SUPV3L1: variants seen among roughly 807,000 people sequenced by gnomAD.
SUPV3L1 encodes the protein ATP-dependent RNA helicase SUPV3L1, mitochondrial.
SUPV3L1 carries 35 observed loss-of-function variants against 70.0 expected under a neutral mutation model. That is an observed-to-expected ratio of 0.50 (90% CI 0.38 to 0.66). SUPV3L1 has a LOEUF of 0.66. Ranked by LOEUF, SUPV3L1 falls within the 30% of genes least tolerant of loss-of-function variation. SUPV3L1 has a pLI of 0.00. For synonymous variants in SUPV3L1, 364 were observed against 341.9 expected, an observed-to-expected ratio of 1.06 and a Z score of -0.71; for missense variants, 777 against 961.5, an observed-to-expected ratio of 0.81 and a Z score of 2.54.
chr10:69,185,903 G>C, intron 1 of SUPV3L1, 84 bp from the exon 2 acceptor site: 3 of 976,438 alleles, frequency 3.1e-6, no homozygotes, highest in Non-Finnish European at 3.3e-6. Context: ...GCTGCCTTTA[G>C]TGTTATTGCT....
At chr10:69,186,915 C>G (rs1001817778) in intron 3 of SUPV3L1, among the ~76,000 whole-genome samples, 1 of 151,976 alleles carries the variant, frequency 6.6e-6, no homozygotes, top group Non-Finnish European at 1.5e-5. Flanking sequence ...GTCAAAATAT[C>G]ATAGTTTCAT....
chr10:69,199,998 T>A (rs1268925170), intron 10 of SUPV3L1, among the ~76,000 whole-genome samples: 1 of 152,064 alleles, frequency 6.6e-6, no homozygotes, highest in Non-Finnish European at 1.5e-5. Context: ...CACACACCAC[T>A]GAACCTAGCT....
intron 1 of SUPV3L1, among the ~76,000 whole-genome samples, chr10:69,181,999 CTT>C (rs1261271922): frequency 3.6e-5 from 5 of 137,388 alleles, no homozygotes; most frequent in Non-Finnish European, 1.6e-5. Context: ...TTTTTCTTTA[CTT>C]TTTTTTTTTT....
intron 13 of SUPV3L1, among the ~76,000 whole-genome samples, chr10:69,205,539 G>C (rs1362016378): frequency 6.6e-6 from 1 of 151,760 alleles, no homozygotes; most frequent in Non-Finnish European, 1.5e-5. Context: ...GATGCGTGGT[G>C]TGTTTTCTTT....
Position 69,200,228 on chromosome 10 carries a change from T to C in SUPV3L1, c.1299-52T>C. ...AGTGAGCATTATGCAATGACCCAAG[T>C]ATTGGAGGGTTTTTCATACAGTCTG... On this transcript the variant is annotated intron_variant, in intron 10 of 14. Coordinates refer to ENST00000359655, the MANE Select transcript of SUPV3L1 (RefSeq NM_003171.5). 8 of 1,471,448 alleles carry C rather than the reference T, an allele frequency of 5.4e-6. No individual in the cohort carries two copies. In the South Asian group the frequency reaches 9.4e-5, roughly 17 times the overall value. The allele number at this position is 1,471,448 out of a possible 1,614,324, so 91.1% of individuals were successfully genotyped here.
At chr10:69,190,429 CTTTT>C (rs67423329) in intron 5 of SUPV3L1, among the ~76,000 whole-genome samples, 2 of 149,496 alleles carry the variant, frequency 1.3e-5, no homozygotes, top group Non-Finnish European at 1.5e-5. Context: ...TTTGCATTCT[CTTTT>C]TTTTTTTCTG....
chr10:69,194,330 G>C (rs1489332218), intron 6 of SUPV3L1, among the ~76,000 whole-genome samples: 1 of 151,644 alleles, frequency 6.6e-6, no homozygotes, highest in Non-Finnish European at 1.5e-5. Context: ...AACATAGCAA[G>C]ACCCTCATCT....
chr10:69,195,805 C>T (rs1409257962), intron 7 of SUPV3L1, among the ~76,000 whole-genome samples: 1 of 152,060 alleles, frequency 6.6e-6, no homozygotes, highest in Non-Finnish European at 1.5e-5. Context: ...TGTGATGGCG[C>T]AGTTGTGGCT....
rs1842022990 is a variant in SUPV3L1 at position 69,180,496 on chromosome 10, G to A, written c.205G>A (p.Val69Met). 2 of 1,614,252 alleles carry A rather than the reference G, an allele frequency of 1.2e-6. No homozygotes were observed. Among genetic ancestry groups the A allele is most frequent in the Non-Finnish European group, 1.7e-6 (2 of 1,180,050 alleles). Residue 69 changes from valine (V) to methionine (M), a missense_variant, in exon 1 of 15, where the codon GTG becomes ATG. By Grantham distance (21) the Val-to-Met change is conservative. This residue lies in a region of SUPV3L1 where 158 missense variants were observed against 138.3 expected (regional missense o/e 1.14). Coordinates refer to ENST00000359655, the MANE Select transcript of SUPV3L1 (RefSeq NM_003171.5). ...CACGTCCTTGTTCGTGCCCCTGACTGTGAAACCTCAGGGCCCCAGCGCCGA... is the reference window on the plus strand; with the variant it reads ...CACGTCCTTGTTCGTGCCCCTGACTATGAAACCTCAGGGCCCCAGCGCCGA... The part of the protein sequence containing the change: ...PNTSLFVPLT[V>M]KPQGPSADGD...
rs764648638 is a variant in SUPV3L1, at chr10:69,180,352, C to G, written c.61C>G (p.Arg21Gly). 1.9e-6 allele frequency: 3 copies of G among 1,614,050 alleles called. No homozygotes were observed. Among genetic ancestry groups the G allele is most frequent in the African/African-American group, 2.7e-5 (2 of 74,954 alleles). ...RLPAGRQAGHRAAICSALRPH... is the reference protein window; with the variant it reads ...RLPAGRQAGHGAAICSALRPH... ...CCCGGCGGGGCGCCAGGCTGGCCACCGGGCAGCCATCTGCTCTGCCCTTCG... is the reference window on the plus strand; with the variant it reads ...CCCGGCGGGGCGCCAGGCTGGCCACGGGGCAGCCATCTGCTCTGCCCTTCG... Residue 21 changes from arginine (R) to glycine (G), a missense_variant, in exon 1 of 15, where the codon CGG becomes GGG. Transcript: ENST00000359655.
Position 69,182,655 on chromosome 10 carries a change from G to C in SUPV3L1, c.271+2093G>C, listed in dbSNP as rs976516758. On this transcript the variant is annotated intron_variant, in intron 1 of 14. Transcript: ENST00000359655. ...ATACTTCATTGGGTCTGTGTGCCAG[G>C]TGATTTTTCATCTCCTTTGACTGGG... The C allele has an allele frequency of 7.1e-6, 7 of 985,386 alleles. No individual in the cohort carries two copies. The East Asian group carries it at 7.9e-4, about 112-fold the overall frequency. 61.0% of individuals were successfully genotyped at this position (985,386 alleles called of 1,614,324 possible).
At chr10:69,198,259 G>T in intron 8 of SUPV3L1, 113 bp from the exon 9 acceptor site, 1 of 846,132 alleles carries the variant, frequency 1.2e-6, no homozygotes, top group Admixed American at 2.8e-5. Flanking sequence ...AAAAACATTG[G>T]TACTTATCAG....
rs915947708 is a variant in SUPV3L1, at chr10:69,186,016, T to C, written c.301T>C (p.Tyr101His). 6 of 1,613,844 alleles carry C rather than the reference T, an allele frequency of 3.7e-6. No homozygotes were observed. Among genetic ancestry groups the C allele is most frequent in the African/African-American group, 1.3e-5 (1 of 74,900 alleles). Residue 101 changes from tyrosine to histidine, a missense_variant, in exon 2 of 15, where the codon TAC (tyrosine) becomes CAC (histidine). Tyr to His is a moderately conservative substitution (Grantham distance 83). Transcript: ENST00000359655. ...AGTAAAGAAGGTCTTAGACAAATTT[T>C]ACAAGAGGAAAGAAATTCAGAAACT... ...NEVKKVLDKFYKRKEIQKLGA... is the reference protein window; with the variant it reads ...NEVKKVLDKFHKRKEIQKLGA...
rs1349918926 is a variant in SUPV3L1, at chr10:69,197,029, T to C, written c.969T>C (p.Pro323=). 6.2e-7 allele frequency: 1 copy of C among 1,614,180 alleles called. No individual in the cohort carries two copies. The highest frequency in any genetic ancestry group is 1.3e-5 in the African/African-American group (1 of 75,068). ...AAGAGGTTCATTTGTGTGGAGAACC[T>C]GCTGCTATTGACCTGGTGATGGAGC... ...CAEEVHLCGE[P]AAIDLVMELM... The change falls in exon 8 of 15, where the codon CCT becomes CCC. Residue 323 remains proline, a synonymous_variant. Coordinates refer to ENST00000359655, the MANE Select transcript of SUPV3L1 (RefSeq NM_003171.5).
intron 13 of SUPV3L1, among the ~76,000 whole-genome samples, chr10:69,204,835 G>A (rs1842782841): frequency 6.6e-6 from 1 of 150,962 alleles, no homozygotes; most frequent in Non-Finnish European, 1.5e-5. Flanking sequence ...GTACAGTTGT[G>A]TCATCTCAGC....
At chr10:69,198,574 G>C in intron 9 of SUPV3L1, 22 bp downstream of exon 9, 1 of 1,606,834 alleles carries the variant, frequency 6.2e-7, no homozygotes, top group Non-Finnish European at 8.5e-7. Context: ...CTTTCCTCGT[G>C]ACAAGATATG....
In SUPV3L1 at chr10:69,186,456, C is replaced by T; in HGVS notation, c.363C>T (p.His121=). Residue 121 remains histidine (H), a synonymous_variant, in exon 3 of 15, where the codon CAC becomes CAT. Coordinates refer to ENST00000359655, the MANE Select transcript of SUPV3L1 (RefSeq NM_003171.5). ...GTGTTTCTACAGCTCGTCTCTTCCA[C>T]CAAGCTTTCATAAGCTTTAGAAATT... ...ADYGLDARLF[H]QAFISFRNYI... is the part of the protein sequence containing the mutation. 1 of 1,613,150 alleles carries T rather than the reference C, an allele frequency of 6.2e-7. No individual in the cohort carries two copies. Among genetic ancestry groups the T allele is most frequent in the Non-Finnish European group, 8.5e-7 (1 of 1,179,320 alleles).
intron 1 of SUPV3L1, among the ~76,000 whole-genome samples, chr10:69,183,938 G>C (rs1842141183): frequency 1.4e-5 from 2 of 145,328 alleles, no homozygotes; most frequent in Admixed American, 6.9e-5. Flanking sequence ...CTGTTGATTT[G>C]CCTGTTTTGT....
At chr10:69,192,110 G>C (rs1252110239) in intron 6 of SUPV3L1, 1 of 159,020 alleles carries the variant, frequency 6.3e-6, no homozygotes, top group African/African-American at 2.4e-5. Flanking sequence ...CCTGACCATG[G>C]TATTTTTAAT....
Sources: gnomAD v4.1 joint callset for allele counts (sites outside exome capture counted in the v4.1 genomes callset) on GRCh38, gnomAD v4.1.1 for gene constraint, gnomAD v4.1.1 regional missense constraint, MANE v1.5 for transcripts, NCBI Gene and HGNC (gene_info 2026-07-23, HGNC 2026-07-21) for gene names.